Variants in NELFCD observed in about 807,000 individuals in gnomAD.
NELFCD encodes negative elongation factor C/D.
In NELFCD, 48 loss-of-function variants were observed where a neutral mutation model predicts 72.9. The observed-to-expected ratio is 0.66, with a 90% confidence interval of 0.52 to 0.84. The LOEUF is 0.84. NELFCD is among the 40% of genes least tolerant of loss of function. The pLI, the probability that NELFCD is intolerant of heterozygous loss-of-function variation, is 0.00. For missense variants in NELFCD, 538 were observed against 723.8 expected (o/e 0.74, Z 2.94); for synonymous variants, 297 against 280.6 (o/e 1.06, Z -0.59).
rs73297216 is a variant in NELFCD at position 58,991,685 on chromosome 20, A to G, written c.1090-196A>G. ...CTAAAGAAATGAAACTGATTTCCGT[A>G]AGACATGGACAAACACTAGTCTCAT... On this transcript the variant is annotated intron_variant, in intron 9 of 14. Coordinates refer to ENST00000652272, the MANE Select transcript of NELFCD (RefSeq NM_198976.4). 1,636 of 745,460 alleles carry G rather than the reference A, an allele frequency of 2.2e-3. 18 individuals carry two copies. In the African/African-American group the frequency reaches 0.024, roughly 11 times the overall value. The allele number at this position is 745,460 out of a possible 1,614,324, so 46.2% of individuals were successfully genotyped here.
rs756763568 is a variant in NELFCD at position 58,991,021 on chromosome 20, C to T, written c.900C>T (p.Asp300=). The change falls in exon 8 of 15, where the codon GAC becomes GAT. Residue 300 remains aspartate, a synonymous_variant. Transcript: ENST00000652272. ...MLSKGALNPA[D]ITVLFKMFTS... is the part of the protein sequence containing the mutation. Reference sequence around the variant, plus strand: ...CCAAAGGAGCCCTGAACCCTGCTGACATCACCGTCCTGTTCAAGATGTTCA... The same window carrying T: ...CCAAAGGAGCCCTGAACCCTGCTGATATCACCGTCCTGTTCAAGATGTTCA... The T allele has an allele frequency of 8.1e-6, 13 of 1,614,124 alleles. No homozygotes were observed. In the East Asian group the frequency reaches 2.0e-4, roughly 25 times the overall value.
In NELFCD at chr20:58,994,922, C is replaced by T; in HGVS notation, c.*246C>T. 1 of 512,950 alleles carries T rather than the reference C, an allele frequency of 1.9e-6. No individual in the cohort carries two copies. Among genetic ancestry groups the T allele is most frequent in the Non-Finnish European group, 3.4e-6 (1 of 290,342 alleles). The allele number at this position is 512,950 out of a possible 1,614,324, so 31.8% of individuals were successfully genotyped here. Reference sequence around the variant, plus strand: ...TCCTGTTTTCAGTGTTCATTTCCCTCAAGGCAGGCGCTGGGCTCCCACGAC... The same window carrying T: ...TCCTGTTTTCAGTGTTCATTTCCCTTAAGGCAGGCGCTGGGCTCCCACGAC... On this transcript the variant is annotated 3_prime_UTR_variant, in exon 15 of 15. Coordinates refer to ENST00000652272, the MANE Select transcript of NELFCD (RefSeq NM_198976.4).
In NELFCD at chr20:58,989,883, C is replaced by T. The variant is rs1236829853; in HGVS notation, c.683C>T (p.Thr228Met). 2.5e-6 allele frequency: 4 copies of T among 1,614,212 alleles called. No individual in the cohort carries two copies. The highest frequency in any genetic ancestry group is 3.4e-6 in the Non-Finnish European group (4 of 1,180,048). ...AAGATGGTGTGCCACGGGGAGCACA[C>T]GTACCTGTTTGCCCAGGCCATGATG... ...FAKMVCHGEH[T>M]YLFAQAMMSV... The change falls in exon 7 of 15, where the codon ACG (threonine) becomes ATG (methionine). Residue 228 changes from threonine (T) to methionine (M), a missense_variant. Transcript: ENST00000652272.
chr20:58,986,866 G>A lies in NELFCD; in HGVS notation c.286+3G>A, dbSNP rs1422168006. 6 of 1,606,922 alleles carry A rather than the reference G, an allele frequency of 3.7e-6. No individual in the cohort carries two copies. The highest frequency in any genetic ancestry group is 1.3e-5 in the African/African-American group (1 of 74,762). Reference sequence around the variant, plus strand: ...GGCCGAGTGGCTCATTCAGACAGGTGCTTTGTGGGTGTCCCCTGTCCTGGC... The same window carrying A: ...GGCCGAGTGGCTCATTCAGACAGGTACTTTGTGGGTGTCCCCTGTCCTGGC... On this transcript the variant is annotated splice_donor_region_variant and intron_variant, in intron 3 of 14. Transcript: ENST00000652272. The surrounding 1 kb of genome is among the most constrained non-coding windows in gnomAD (Gnocchi z 4.4).
intron 3 of NELFCD, 71 bp from the exon 4 acceptor site, chr20:58,987,637 C>A: frequency 4.0e-6 from 5 of 1,235,192 alleles, no homozygotes; most frequent in Non-Finnish European, 5.9e-6. Context: ...AGACTTTTGA[C>A]CATTTGCTTT....
At chr20:58,983,453 T>G (rs1176155992) in intron 1 of NELFCD, among the ~76,000 whole-genome samples, 2 of 141,280 alleles carry the variant, frequency 1.4e-5, no homozygotes, top group East Asian at 4.1e-4. Context: ...TTTTTTTTTT[T>G]CTTTGAGACG....
chr20:58,987,190 GC>G (rs1187084498), intron 3 of NELFCD: 2 of 292,894 alleles, frequency 6.8e-6, no homozygotes, highest in Admixed American at 5.1e-5. Context: ...ATTACAGCAA[GC>G]AGTAAATGAC....
rs2091794470 is a variant in NELFCD, at chr20:58,989,137, T to G, written c.504+116T>G. 8.0e-6 allele frequency: 6 copies of G among 749,418 alleles called. No individual in the cohort carries two copies. The South Asian group carries it at 1.0e-4, about 13-fold the overall frequency. 46.4% of individuals were successfully genotyped at this position (749,418 alleles called of 1,614,324 possible). On this transcript the variant is annotated intron_variant, in intron 5 of 14. Transcript: ENST00000652272. ...TTTTTTCCATAAAGGTCTTTATTGT[T>G]TTATTTTCATAAGCCTTACACTGAG...
chr20:58,991,111 G>A (rs1174355568), intron 8 of NELFCD, 36 bp downstream of exon 8: 1 of 1,603,394 alleles, frequency 6.2e-7, no homozygotes, highest in African/African-American at 1.3e-5. Flanking sequence ...ATGTCAGCTG[G>A]TAAGGTGACT....
chr20:58,989,811 G>C, intron 6 of NELFCD, 47 bp from the exon 7 acceptor site: 2 of 1,613,606 alleles, frequency 1.2e-6, no homozygotes, highest in South Asian at 2.2e-5. Flanking sequence ...CCGCCCGTCT[G>C]TGCTACAGTA....
rs1003285597 is a variant in NELFCD at position 58,994,931 on chromosome 20, C to T, written c.*255C>T. ...CAGTGTTCATTTCCCTCAAGGCAGG[C>T]GCTGGGCTCCCACGACCCCTCAGGA... On this transcript the variant is annotated 3_prime_UTR_variant, in exon 15 of 15. Transcript: ENST00000652272. The T allele has an allele frequency of 2.2e-5, 11 of 496,994 alleles. No homozygotes were observed. Among genetic ancestry groups the T allele is most frequent in the East Asian group, 1.4e-4 (4 of 28,084 alleles). The allele number at this position is 496,994 out of a possible 1,614,324, so 30.8% of individuals were successfully genotyped here.
chr20:58,990,964 C>G lies in NELFCD; in HGVS notation c.843C>G (p.Pro281=). 6.2e-7 allele frequency: 1 copy of G among 1,614,230 alleles called. No individual in the cohort carries two copies. Among genetic ancestry groups the G allele is most frequent in the Non-Finnish European group, 8.5e-7 (1 of 1,180,040 alleles). The change falls in exon 8 of 15, where the codon CCC becomes CCG. Residue 281 remains proline (P), a synonymous_variant. Transcript: ENST00000652272. The part of the protein sequence containing the change: ...TLALGTAASY[P]RACQALGAML... ...CCTTGGGCACAGCTGCCTCCTACCC[C>G]AGGGCCTGCCAGGCTCTCGGGGCCA...
In NELFCD at chr20:58,989,542, C is replaced by T. The variant is rs1201855577; in HGVS notation, c.559C>T (p.Gln187Ter). Residue 187 changes from glutamine to a stop codon, truncating the protein, a stop_gained, in exon 6 of 15, where the codon CAG becomes TAG. Coordinates refer to ENST00000652272, the MANE Select transcript of NELFCD (RefSeq NM_198976.4). LOFTEE classifies it high-confidence loss of function. ...GATCACCAGTGTGTCCACAGCATGC[C>T]AGCAGCTAGAAGTGTTCTCGAGAGT... ...GEITSVSTACQQLEVFSRVLR... is the reference protein window; with the variant it reads ...GEITSVSTAC 6.2e-7 allele frequency: 1 copy of T among 1,614,036 alleles called. No homozygotes were observed. Among genetic ancestry groups the T allele is most frequent in the Non-Finnish European group, 8.5e-7 (1 of 1,180,034 alleles).
chr20:58,994,477 C>G (rs181627659), intron 14 of NELFCD, among the ~76,000 whole-genome samples, 165 bp from the exon 15 acceptor site: 1 of 150,812 alleles, frequency 6.6e-6, no homozygotes. Context: ...GCAGGAGAAT[C>G]GCTTAACCTG....
Position 58,991,053 on chromosome 20 carries a change from TGGAC to T in NELFCD, c.933_936del (p.Met311IlefsTer56). The T allele has an allele frequency of 1.2e-6, 2 of 1,613,764 alleles. No homozygotes were observed. Among genetic ancestry groups the T allele is most frequent in the Non-Finnish European group, 1.7e-6 (2 of 1,179,814 alleles). ...GTCCTGTTCAAGATGTTCACAAGCA[TGGAC>T]CCTCCTCCGGTTGAACTTGTAAGTT... On this transcript the variant is annotated frameshift_variant, in exon 8 of 15. Transcript: ENST00000652272. LOFTEE classifies it high-confidence loss of function.
chr20:58,989,581 C>G lies in NELFCD; in HGVS notation c.598C>G (p.Leu200Val), dbSNP rs1327048887. ...GTTCTCGAGAGTGCTCCGGACCTCTCTAGCTACAATTTTAGATGGAGGAGA... is the reference window on the plus strand; with the variant it reads ...GTTCTCGAGAGTGCTCCGGACCTCTGTAGCTACAATTTTAGATGGAGGAGA... Reference protein sequence around the residue: ...EVFSRVLRTSLATILDGGEEN... With the variant: ...EVFSRVLRTSVATILDGGEEN... Residue 200 changes from leucine (L) to valine (V), a missense_variant, in exon 6 of 15, where the codon CTA (leucine) becomes GTA (valine). Around this residue, in one of 3 missense-constraint regions of NELFCD, gnomAD observed 355 missense variants for 534.5 expected, o/e 0.66. Coordinates refer to ENST00000652272, the MANE Select transcript of NELFCD (RefSeq NM_198976.4). 2.5e-6 allele frequency: 4 copies of G among 1,614,198 alleles called. No homozygotes were observed. The highest frequency in any genetic ancestry group is 3.4e-6 in the Non-Finnish European group (4 of 1,180,028).
intron 8 of NELFCD, 101 bp downstream of exon 8, chr20:58,991,176 T>C (rs2091813683): frequency 6.4e-7 from 1 of 1,552,052 alleles, no homozygotes; most frequent in African/African-American, 1.4e-5. Context: ...AAATCCATCA[T>C]TGTCCTGGTC....
At chr20:58,987,860 C>T in intron 4 of NELFCD, 43 bp downstream of exon 4, 2 of 1,484,502 alleles carry the variant, frequency 1.3e-6, no homozygotes, top group Non-Finnish European at 1.9e-6. Flanking sequence ...GCCCTAGGGT[C>T]TTTTGCAAAT....
At chr20:58,990,018 C>A (rs1212502816) in intron 7 of NELFCD, 30 bp downstream of exon 7, 1 of 1,606,504 alleles carries the variant, frequency 6.2e-7, no homozygotes, top group Admixed American at 1.7e-5. Context: ...CTCAGCCCTT[C>A]CTTCCTAGTG....
Sources: allele counts gnomAD v4.1 joint callset (sites outside exome capture counted in the v4.1 genomes callset), GRCh38; gene constraint gnomAD v4.1.1; regional missense constraint gnomAD v4.1.1; non-coding constraint Gnocchi (gnomAD v3.1); transcripts MANE v1.5; gene names NCBI Gene and HGNC (gene_info 2026-07-23, HGNC 2026-07-21).